Variants in ZCCHC24 observed in about 807,000 individuals in gnomAD.
ZCCHC24 encodes zinc finger CCHC domain-containing protein 24.
Under a neutral mutation model 26.2 loss-of-function variants are expected in ZCCHC24, and 10 were observed. The observed-to-expected ratio is 0.38, with a 90% CI of 0.24 to 0.65. The LOEUF is 0.65. Ranked by LOEUF, ZCCHC24 falls within the 30% of genes least tolerant of loss-of-function variation. The pLI, the probability that ZCCHC24 is intolerant of heterozygous loss-of-function variation, is 0.54. For missense variants in ZCCHC24, 243 were observed against 329.1 expected (o/e 0.74, Z 2.03); for synonymous variants, 144 against 147.1 (o/e 0.98, Z 0.15).
At chr10:79,388,564 C>T (rs1039514638) in intron 3 of ZCCHC24, among the ~76,000 whole-genome samples, 1 of 152,194 alleles carries the variant, frequency 6.6e-6, no homozygotes, top group Non-Finnish European at 1.5e-5. Context: ...ACGGTCTGAT[C>T]AGTACAGTCG....
intron 2 of ZCCHC24, among the ~76,000 whole-genome samples, chr10:79,414,610 C>T (rs1008236184): frequency 6.6e-6 from 1 of 152,108 alleles, no homozygotes; most frequent in East Asian, 1.9e-4. Context: ...ATCTTGCATT[C>T]CCAGGACCTC....
intron 2 of ZCCHC24, among the ~76,000 whole-genome samples, chr10:79,427,433 G>A (rs866144712): frequency 1.3e-5 from 2 of 152,226 alleles, no homozygotes; most frequent in South Asian, 2.1e-4. Context: ...AACTCATAAT[G>A]TTAGGTTCTG....
At chr10:79,409,715 A>G (rs572713691) in intron 2 of ZCCHC24, among the ~76,000 whole-genome samples, 1 of 152,268 alleles carries the variant, frequency 6.6e-6, no homozygotes, top group African/African-American at 2.4e-5. Flanking sequence ...CAGTGTGGCT[A>G]TTGTCCCTGA....
At chr10:79,422,814 C>G (rs1280094326) in intron 2 of ZCCHC24, among the ~76,000 whole-genome samples, 1 of 152,186 alleles carries the variant, frequency 6.6e-6, no homozygotes, top group Admixed American at 6.5e-5. Flanking sequence ...CCCCTCAGAC[C>G]TCCCTCAAAG....
chr10:79,416,888 G>A (rs1856869103), intron 2 of ZCCHC24, among the ~76,000 whole-genome samples: 1 of 152,080 alleles, frequency 6.6e-6, no homozygotes, highest in Admixed American at 6.5e-5. Flanking sequence ...AGCAGTGCCC[G>A]GAACACAGTG....
chr10:79,434,251 A>G (rs1857184521), intron 1 of ZCCHC24, among the ~76,000 whole-genome samples: 1 of 152,300 alleles, frequency 6.6e-6, no homozygotes, highest in Middle Eastern at 3.4e-3. Context: ...AATGGGTCCA[A>G]CTGACTGTAA....
chr10:79,435,486 C>T (rs753361126), intron 1 of ZCCHC24, among the ~76,000 whole-genome samples: 3 of 152,206 alleles, frequency 2.0e-5, no homozygotes, highest in Non-Finnish European at 4.4e-5. Flanking sequence ...GCAGCCTTGC[C>T]CCTGCCCCAG....
chr10:79,394,661 A>G lies in ZCCHC24; in HGVS notation c.448-221T>C, dbSNP rs1856521716. 5.1e-6 allele frequency: 5 copies of G among 983,328 alleles called. No homozygotes were observed. In the South Asian group the frequency reaches 1.9e-4, roughly 37 times the overall value. 60.9% of individuals were successfully genotyped at this position (983,328 alleles called of 1,614,324 possible). A position where few individuals can be genotyped will look rare whatever the true frequency, so the allele number is the denominator to read the frequency against. On this transcript the variant is annotated intron_variant, in intron 2 of 3. Transcript: ENST00000372336. ...AACAGAAAACAGAGGAGATGGTGAA[A>G]AAACAGAGGAGATGGCGCACGTCTC...
chr10:79,445,172 C>T (rs935179776), intron 1 of ZCCHC24, 23 bp downstream of exon 1: 411 of 711,522 alleles, frequency 5.8e-4, no homozygotes, highest in Non-Finnish European at 6.4e-4. Context: ...GGGCGGTGGG[C>T]GGGGGCGCGC....
intron 1 of ZCCHC24, among the ~76,000 whole-genome samples, chr10:79,444,412 A>C (rs1358317530): frequency 6.6e-6 from 1 of 152,196 alleles, no homozygotes; most frequent in African/African-American, 2.4e-5. Context: ...CCAAACAGGC[A>C]GACTTTGCAA....
At chr10:79,387,367 G>GAGC (rs1856411836) in intron 3 of ZCCHC24, among the ~76,000 whole-genome samples, 1 of 152,126 alleles carries the variant, frequency 6.6e-6, no homozygotes, top group Admixed American at 6.5e-5. Flanking sequence ...AGGCACAGAC[G>GAGC]AGCACATTTC....
Position 79,435,807 on chromosome 10 carries a change from C to A in ZCCHC24, c.247-3049G>T, listed in dbSNP as rs549103702. 7.9e-5 allele frequency among the ~76,000 whole-genome samples: 12 copies of A among 152,334 alleles called. No homozygotes were observed. In the East Asian group the frequency reaches 2.3e-3, roughly 29 times the overall value. ...TGGGTGAGGCAGTGAGCTGCTTCCTCTCTGAGGCCCCGTTTGAGCTCAGGC... is the reference window on the plus strand; with the variant it reads ...TGGGTGAGGCAGTGAGCTGCTTCCTATCTGAGGCCCCGTTTGAGCTCAGGC... On this transcript the variant is annotated intron_variant, in intron 1 of 3. Coordinates refer to ENST00000372336, the MANE Select transcript of ZCCHC24 (RefSeq NM_153367.4).
At chr10:79,435,178 A>AT (rs1284290111) in intron 1 of ZCCHC24, among the ~76,000 whole-genome samples, 7 of 148,108 alleles carry the variant, frequency 4.7e-5, no homozygotes, top group Non-Finnish European at 9.1e-5. Context: ...CCCTCTTAAT[A>AT]TTTTTTTCTT....
intron 2 of ZCCHC24, among the ~76,000 whole-genome samples, chr10:79,420,246 C>A (rs556678298): frequency 6.6e-6 from 1 of 152,158 alleles, no homozygotes; most frequent in Non-Finnish European, 1.5e-5. Flanking sequence ...CCCAGCACAA[C>A]CTGGGGGACT....
At chr10:79,399,579 T>C (rs1319183291) in intron 2 of ZCCHC24, among the ~76,000 whole-genome samples, 1 of 152,172 alleles carries the variant, frequency 6.6e-6, no homozygotes, top group Non-Finnish European at 1.5e-5. Context: ...GCAAGGGGAC[T>C]CACTCAAGGA....
chr10:79,429,512 T>C (rs1857097197), intron 2 of ZCCHC24, among the ~76,000 whole-genome samples: 1 of 151,848 alleles, frequency 6.6e-6, no homozygotes. Flanking sequence ...GCACAGGAGG[T>C]GGAGGTTGCA....
At chr10:79,408,099 G>A (rs867346039) in intron 2 of ZCCHC24, among the ~76,000 whole-genome samples, 1 of 152,320 alleles carries the variant, frequency 6.6e-6, no homozygotes, top group Middle Eastern at 3.4e-3. Flanking sequence ...CTCCACCACC[G>A]ATGTTTGCCT....
intron 2 of ZCCHC24, among the ~76,000 whole-genome samples, chr10:79,425,739 T>C (rs1430193998): frequency 6.6e-6 from 1 of 152,196 alleles, no homozygotes; most frequent in Non-Finnish European, 1.5e-5. Context: ...ACATAGAATA[T>C]GCTAAACCCA....
At chr10:79,406,090 GT>G (rs1856707992) in intron 2 of ZCCHC24, among the ~76,000 whole-genome samples, 1 of 152,256 alleles carries the variant, frequency 6.6e-6, no homozygotes, top group Non-Finnish European at 1.5e-5. Context: ...GGGGTGGAGA[GT>G]GCTGAGTCTC....
Sources: allele counts gnomAD v4.1 joint callset (sites outside exome capture counted in the v4.1 genomes callset), GRCh38; gene constraint gnomAD v4.1.1; transcripts MANE v1.5; gene names NCBI Gene and HGNC (gene_info 2026-07-23, HGNC 2026-07-21).